CHST9: variants seen among roughly 807,000 people sequenced by gnomAD.
CHST9 encodes GalNAc-4-sulfotransferase 2.
Under a neutral mutation model 44.4 loss-of-function variants are expected in CHST9, and 41 were observed. That is an observed-to-expected ratio of 0.92 (90% CI 0.72 to 1.20). The LOEUF (loss-of-function observed/expected upper bound fraction) is 1.20. Among genes scored for constraint, CHST9 ranks in the 50% most tolerant of loss-of-function variants. The pLI is 0.00. For synonymous variants in CHST9, 171 were observed against 178.4 expected (o/e 0.96, Z 0.33); for missense variants, 504 against 516.5 (o/e 0.98, Z 0.23).
At chr18:27,110,680 C>T (rs2058263493) in intron 2 of CHST9, among the ~76,000 whole-genome samples, 1 of 152,212 alleles carries the variant, frequency 6.6e-6, no homozygotes, top group Non-Finnish European at 1.5e-5. Flanking sequence ...TGAGGTATGA[C>T]ATGTCTCCCA....
At chr18:26,995,979 A>G (rs980395030) in intron 4 of CHST9, among the ~76,000 whole-genome samples, 9 of 152,244 alleles carry the variant, frequency 5.9e-5, no homozygotes, top group Non-Finnish European at 8.8e-5. Context: ...GTCAGCAATA[A>G]GAAATTATAT....
chr18:27,128,331 G>A lies in CHST9; in HGVS notation c.121+14358C>T, dbSNP rs972816266. ...GTCGCCCAGGCTGGACTGCAGTGGC[G>A]CGATCTTGGCTCACTGCAACCTCCG... is the stretch of plus-strand genomic sequence containing the variant. On this transcript the variant is annotated intron_variant, in intron 2 of 5. Transcript: ENST00000618847. Among the ~76,000 whole-genome samples the A allele has an allele frequency of 4.6e-5, 7 of 152,134 alleles. No individual in the cohort carries two copies. In the South Asian group the frequency reaches 6.2e-4, roughly 14 times the overall value.
intron 4 of CHST9, among the ~76,000 whole-genome samples, chr18:27,019,311 A>G (rs2057192582): frequency 6.6e-6 from 1 of 152,206 alleles, no homozygotes; most frequent in Non-Finnish European, 1.5e-5. Flanking sequence ...GCACAAAAGC[A>G]GCCCTCTACT....
chr18:26,925,257 CCT>C (rs2055743696), intron 5 of CHST9, among the ~76,000 whole-genome samples: 1 of 151,852 alleles, frequency 6.6e-6, no homozygotes, highest in South Asian at 2.1e-4. Flanking sequence ...TGACTTATTT[CCT>C]CTCTCTTGAA....
rs1195941837 is a variant in CHST9, at chr18:26,944,179, A to T, written c.240+150T>A. 1.1e-5 allele frequency: 7 copies of T among 644,886 alleles called. No homozygotes were observed. In the Admixed American group the frequency reaches 1.9e-4, roughly 18 times the overall value. The allele number at this position is 644,886 out of a possible 1,614,324, so 39.9% of individuals were successfully genotyped here. A position where few individuals can be genotyped will look rare whatever the true frequency, so the allele number is the denominator to read the frequency against. On this transcript the variant is annotated intron_variant, in intron 5 of 5. Transcript: ENST00000618847. ...GAAAGCGCATGGTCATCTACATATG[A>T]CCAAATATGTTTTTTTCCCCAGAAC...
chr18:27,005,080 T>G (rs993152519), intron 4 of CHST9, among the ~76,000 whole-genome samples: 2 of 152,202 alleles, frequency 1.3e-5, no homozygotes. Context: ...ACTTCTGATA[T>G]TCCTATAATT....
chr18:26,998,790 T>C (rs2056916797), intron 4 of CHST9, among the ~76,000 whole-genome samples: 1 of 151,416 alleles, frequency 6.6e-6, no homozygotes, highest in Non-Finnish European at 1.5e-5. Flanking sequence ...GATAGACTAT[T>C]ATGTCTTACT....
chr18:26,978,542 C>T (rs527398595), intron 4 of CHST9, among the ~76,000 whole-genome samples: 2 of 152,116 alleles, frequency 1.3e-5, no homozygotes, highest in Admixed American at 6.5e-5. Flanking sequence ...CACAAACACT[C>T]GTCTGTTTTT....
Position 26,963,004 on chromosome 18 carries a change from C to T in CHST9, c.203-18638G>A, listed in dbSNP as rs190328649. On this transcript the variant is annotated intron_variant, in intron 4 of 5. Coordinates refer to ENST00000618847, the MANE Select transcript of CHST9 (RefSeq NM_031422.6). ...TTTAAAGCTGACATTTTCTGAGGAA[C>T]ACCCATTACTTCGATGAGAAAATTG... 3.6e-4 allele frequency among the ~76,000 whole-genome samples: 55 copies of T among 152,262 alleles called. 1 individual carries two copies. Among genetic ancestry groups the T allele is most frequent in the Admixed American group, 3.1e-3 (47 of 15,298 alleles).
intron 2 of CHST9, among the ~76,000 whole-genome samples, chr18:27,115,940 TC>T (rs1291359100): frequency 6.6e-6 from 1 of 152,238 alleles, no homozygotes. Context: ...TCATACGTCT[TC>T]TTTGGAGAAA....
Position 27,138,967 on chromosome 18 carries a change from G to A in CHST9, c.121+3722C>T, listed in dbSNP as rs899200986. ...TAGGAAATGGATAAATTAATGGATAGTGATATTGAAAAAGTAGATGGTATT... is the reference window on the plus strand; with the variant it reads ...TAGGAAATGGATAAATTAATGGATAATGATATTGAAAAAGTAGATGGTATT... On this transcript the variant is annotated intron_variant, in intron 2 of 5. Transcript: ENST00000618847. Among the ~76,000 whole-genome samples the A allele has an allele frequency of 2.0e-5, 3 of 152,246 alleles. No homozygotes were observed. In the South Asian group the frequency reaches 6.2e-4, roughly 32 times the overall value.
At chr18:27,078,289 A>C (rs1289526580) in intron 2 of CHST9, among the ~76,000 whole-genome samples, 2 of 152,178 alleles carry the variant, frequency 1.3e-5, no homozygotes, top group African/African-American at 4.8e-5. Flanking sequence ...ACTGAGGTTC[A>C]TTATGAGCAT....
At chr18:27,005,030 A>G (rs2056999621) in intron 4 of CHST9, among the ~76,000 whole-genome samples, 1 of 152,188 alleles carries the variant, frequency 6.6e-6, no homozygotes, top group African/African-American at 2.4e-5. Context: ...GACATGAAGA[A>G]TGACAGGCTA....
At position 26,932,261 on chromosome 18, in the gene CHST9, A is replaced by G. The variant is rs2055891883; in HGVS notation, c.240+12068T>C. On this transcript the variant is annotated intron_variant, in intron 5 of 5. Transcript: ENST00000618847. ...CTGCCTGGACTTTGGGTCTCTCCTC[A>G]GGTAGCATAAACCACACAGAGATTG... Among the ~76,000 whole-genome samples the G allele has an allele frequency of 2.0e-5, 3 of 152,212 alleles. No individual in the cohort carries two copies. In the South Asian group the frequency reaches 6.2e-4, roughly 32 times the overall value.
At chr18:27,052,195 A>G (rs1033056228) in intron 2 of CHST9, among the ~76,000 whole-genome samples, 1 of 152,140 alleles carries the variant, frequency 6.6e-6, no homozygotes, top group Admixed American at 6.6e-5. Context: ...GTCCTGTTAC[A>G]GGAATCTACT....
chr18:27,158,529 A>G (rs1270201687), intron 1 of CHST9, among the ~76,000 whole-genome samples: 4 of 151,568 alleles, frequency 2.6e-5, no homozygotes, highest in African/African-American at 9.7e-5. Context: ...GTTGGTTCCA[A>G]GTCTTTGCTA....
chr18:27,010,915 T>G (rs982293345), intron 4 of CHST9, among the ~76,000 whole-genome samples: 1 of 139,420 alleles, frequency 7.2e-6, no homozygotes, highest in Non-Finnish European at 1.6e-5. Context: ...GAGAGGGCGG[T>G]GAATACACTC....
chr18:27,151,449 T>C lies in CHST9; in HGVS notation c.-96-8544A>G, dbSNP rs2058658474. Among the ~76,000 whole-genome samples, 4 of 152,268 alleles carry C rather than the reference T, an allele frequency of 2.6e-5. No homozygotes were observed. The South Asian group carries it at 8.3e-4, about 32-fold the overall frequency. ...ATGGTGTATGTGGCAAGCAGAATAATGAGTCTCCCAAAAGGTCCACCCCCT... is the reference window on the plus strand; with the variant it reads ...ATGGTGTATGTGGCAAGCAGAATAACGAGTCTCCCAAAAGGTCCACCCCCT... On this transcript the variant is annotated intron_variant, in intron 1 of 5. Coordinates refer to ENST00000618847, the MANE Select transcript of CHST9 (RefSeq NM_031422.6).
intron 3 of CHST9, among the ~76,000 whole-genome samples, chr18:27,044,330 T>A (rs1252295425): frequency 4.6e-5 from 7 of 151,966 alleles, no homozygotes; most frequent in Admixed American, 4.6e-4. Flanking sequence ...TTAAAATATT[T>A]ATCAAATTGA....
Sources: gnomAD v4.1 joint callset for allele counts (sites outside exome capture counted in the v4.1 genomes callset) on GRCh38, gnomAD v4.1.1 for gene constraint, MANE v1.5 for transcripts, NCBI Gene and HGNC (gene_info 2026-07-23, HGNC 2026-07-21) for gene names.